The following CCDC7 variants were observed in gnomAD, a reference collection of about 807,000 sequenced individuals.
The protein encoded by CCDC7 is coiled-coil domain-containing protein 7.
In CCDC7, 183 loss-of-function variants were observed where a neutral mutation model predicts 196.9. That is an observed-to-expected ratio of 0.93 (90% CI 0.82 to 1.05). The LOEUF (loss-of-function observed/expected upper bound fraction) is 1.05. Ranked by LOEUF, CCDC7 falls within the 50% of genes least tolerant of loss-of-function variation. The pLI is 0.00. For synonymous variants in CCDC7, 525 were observed against 484.6 expected, an observed-to-expected ratio of 1.08 and a Z score of -1.10; for missense variants, 1,540 against 1,482.2, an observed-to-expected ratio of 1.04 and a Z score of -0.64.
chr10:32,456,821 CATATA>C (rs1182387697), intron 3 of CCDC7, among the ~76,000 whole-genome samples: 7 of 151,684 alleles, frequency 4.6e-5, no homozygotes, highest in Non-Finnish European at 1.0e-4. Context: ...TCTTTTTTTT[CATATA>C]ATAGAATACA....
At chr10:32,685,695 C>A (rs1289156131) in intron 21 of CCDC7, among the ~76,000 whole-genome samples, 2 of 152,008 alleles carry the variant, frequency 1.3e-5, no homozygotes, top group Non-Finnish European at 2.9e-5. Flanking sequence ...TTTATGACAT[C>A]TATATGATCT....
chr10:32,829,086 A>G (rs2091820803), intron 32 of CCDC7, among the ~76,000 whole-genome samples: 1 of 152,226 alleles, frequency 6.6e-6, no homozygotes, highest in Non-Finnish European at 1.5e-5. Flanking sequence ...AATTCAGTCT[A>G]CTACTCCACA....
chr10:32,827,742 A>C (rs1209373729), intron 32 of CCDC7, among the ~76,000 whole-genome samples: 1 of 152,316 alleles, frequency 6.6e-6, no homozygotes, highest in African/African-American at 2.4e-5. Flanking sequence ...ATGTATACCT[A>C]TGTAACAAAC....
chr10:32,781,297 A>C (rs986176192), intron 29 of CCDC7, among the ~76,000 whole-genome samples: 1 of 152,188 alleles, frequency 6.6e-6, no homozygotes, highest in Non-Finnish European at 1.5e-5. Context: ...AATACTTCCT[A>C]ACTCATTCTA....
intron 20 of CCDC7, among the ~76,000 whole-genome samples, chr10:32,663,333 G>A (rs1337807284): frequency 6.6e-6 from 1 of 152,092 alleles, no homozygotes; most frequent in African/African-American, 2.4e-5. Flanking sequence ...TCAGTGCTAG[G>A]AACATGCTTA....
At chr10:32,458,885 G>A (rs1211171994) in intron 3 of CCDC7, among the ~76,000 whole-genome samples, 1 of 152,044 alleles carries the variant, frequency 6.6e-6, no homozygotes, top group African/African-American at 2.4e-5. Flanking sequence ...CTGGGCTTAA[G>A]CCCAGTATTA....
intron 25 of CCDC7, 93 bp from the exon 27 acceptor site, chr10:32,726,640 AC>A: frequency 1.5e-6 from 1 of 655,672 alleles, no homozygotes; most frequent in Non-Finnish European, 2.6e-6. Flanking sequence ...ATTGCTATAT[AC>A]TTGTTATAAA....
At position 32,526,388 on chromosome 10, in the gene CCDC7, C is replaced by T. The variant is rs528722909; in HGVS notation, c.993+7883C>T. ...AGCCTGGGCTCAGGGACCCCAAGAG[C>T]CTGCTCGTTGTTCTACCCCACTGTG... On this transcript the variant is annotated intron_variant, in intron 11 of 41. Coordinates refer to ENST00000639629, the Ensembl canonical transcript of CCDC7. Among the ~76,000 whole-genome samples, 3 of 152,252 alleles carry T rather than the reference C, an allele frequency of 2.0e-5. No individual in the cohort carries two copies. In the East Asian group the frequency reaches 5.8e-4, roughly 29 times the overall value.
chr10:32,591,113 CTT>C (rs982901211), intron 18 of CCDC7, among the ~76,000 whole-genome samples: 3 of 152,084 alleles, frequency 2.0e-5, no homozygotes, highest in African/African-American at 7.2e-5. Context: ...GCCAGTAACT[CTT>C]AAATTTGCCA....
rs1193198487 is a variant in CCDC7, at chr10:32,640,876, C to CTTTT, written c.2014+5726_2014+5729dup. On this transcript the variant is annotated intron_variant, in intron 20 of 41. Coordinates refer to ENST00000639629, the Ensembl canonical transcript of CCDC7. ...GCTTGTAGATTTTCTTTTTTTTTTT[C>CTTTT]TTTTTTTTTTTATTATACTCTAAGT... 1.0e-4 allele frequency among the ~76,000 whole-genome samples: 9 copies of CTTTT among 87,104 alleles called. 1 individual carries two copies. Among genetic ancestry groups the CTTTT allele is most frequent in the Admixed American group, 2.7e-4 (2 of 7,488 alleles). 57.1% of individuals were successfully genotyped at this position (87,104 alleles called of 152,430 possible). A position where few individuals can be genotyped will look rare whatever the true frequency, so the allele number is the denominator to read the frequency against.
At chr10:32,751,427 GA>G (rs2075639341) in intron 28 of CCDC7, among the ~76,000 whole-genome samples, 1 of 152,050 alleles carries the variant, frequency 6.6e-6, no homozygotes, top group Non-Finnish European at 1.5e-5. Flanking sequence ...TAGTTTATTG[GA>G]AGCATGAATA....
intron 41 of CCDC7, among the ~76,000 whole-genome samples, chr10:32,869,117 A>G (rs1331663667): frequency 1.3e-5 from 2 of 152,110 alleles, no homozygotes; most frequent in Non-Finnish European, 2.9e-5. Context: ...TGGTATTTCT[A>G]GTTCTAGATC....
intron 20 of CCDC7, among the ~76,000 whole-genome samples, chr10:32,662,675 C>T (rs934486062): frequency 1.3e-5 from 2 of 152,150 alleles, no homozygotes; most frequent in African/African-American, 4.8e-5. Flanking sequence ...ATTTTTACAT[C>T]ACTCTGACTG....
At chr10:32,542,677 A>C (rs1466692257) in intron 11 of CCDC7, among the ~76,000 whole-genome samples, 2 of 149,302 alleles carry the variant, frequency 1.3e-5, no homozygotes, top group African/African-American at 4.9e-5. Context: ...TTCTCCATCT[A>C]CCTTGGTTCA....
At chr10:32,689,245 T>C (rs1410501290) in intron 23 of CCDC7, 82 bp downstream of exon 24, 1 of 871,946 alleles carries the variant, frequency 1.1e-6, no homozygotes, top group East Asian at 2.8e-5. Flanking sequence ...TTCACAAAAG[T>C]TTTACACTTT....
At chr10:32,593,352 A>C (rs1477223014) in intron 18 of CCDC7, among the ~76,000 whole-genome samples, 1 of 152,170 alleles carries the variant, frequency 6.6e-6, no homozygotes, top group Non-Finnish European at 1.5e-5. Context: ...TCTTCTTTTG[A>C]GAAGTGTCTG....
Position 32,694,864 on chromosome 10 carries a change from C to T in CCDC7, c.2345-15C>T. The stretch of plus-strand genomic sequence containing the variant: ...TGTTTTTCCATTAAGAGACTAAATG[C>T]ATCTCCTTATGTAGCTCATGATGAA... On this transcript the variant is annotated splice_polypyrimidine_tract_variant and intron_variant, in intron 23 of 41. Coordinates refer to ENST00000639629, the Ensembl canonical transcript of CCDC7. 1.4e-6 allele frequency: 2 copies of T among 1,471,830 alleles called. No individual in the cohort carries two copies. The highest frequency in any genetic ancestry group is 1.4e-5 in the African/African-American group (1 of 71,310). 91.2% of individuals were successfully genotyped at this position (1,471,830 alleles called of 1,614,324 possible). A position where few individuals can be genotyped will look rare whatever the true frequency, so the allele number is the denominator to read the frequency against.
intron 41 of CCDC7, among the ~76,000 whole-genome samples, chr10:32,856,366 A>G (rs2093752931): frequency 6.6e-6 from 1 of 152,174 alleles, no homozygotes; most frequent in African/African-American, 2.4e-5. Flanking sequence ...CAACTCAACC[A>G]CAACAACAGA....
chr10:32,456,463 G>A, intron 3 of CCDC7, 129 bp downstream of exon 4: 1 of 696,518 alleles, frequency 1.4e-6, no homozygotes, highest in Non-Finnish European at 2.1e-6. Flanking sequence ...AAATGGCATT[G>A]GAAAACATTA....
Sources: allele counts gnomAD v4.1 joint callset (sites outside exome capture counted in the v4.1 genomes callset), GRCh38; gene constraint gnomAD v4.1.1; transcripts MANE v1.5; gene names NCBI Gene and HGNC (gene_info 2026-07-23, HGNC 2026-07-21).